PBX3: variants seen among roughly 807,000 people sequenced by gnomAD.
The protein encoded by PBX3 is PBX homeobox 3.
A neutral mutation model predicts 48.5 loss-of-function variants in PBX3; 14 were observed. That is an observed-to-expected ratio of 0.29 (90% CI 0.19 to 0.45). The LOEUF is 0.45. Among genes scored for constraint, PBX3 ranks in the 20% least tolerant of loss-of-function variants. The pLI is 1.00. For synonymous variants in PBX3, 210 were observed against 200.3 expected, an observed-to-expected ratio of 1.05 and a Z score of -0.41; for missense variants, 386 against 546.7, an observed-to-expected ratio of 0.71 and a Z score of 2.93.
rs372227187 is a variant in PBX3 at position 125,950,464 on chromosome 9, G to C, written c.844-10220G>C. ...CCAAAAGTTGGTTTTCAAGTCAGTT[G>C]TTATAAATTTGCAACTTCTTTTTTT... On this transcript the variant is annotated intron_variant, in intron 5 of 8. Transcript: ENST00000373489. Among the ~76,000 whole-genome samples the C allele has an allele frequency of 1.0e-4, 15 of 148,224 alleles. No individual in the cohort carries two copies. In the South Asian group the frequency reaches 3.0e-3, roughly 29 times the overall value.
intron 2 of PBX3, among the ~76,000 whole-genome samples, chr9:125,809,464 C>T (rs1180698157): frequency 6.6e-6 from 1 of 150,932 alleles, no homozygotes; most frequent in Admixed American, 6.6e-5. Flanking sequence ...CCTAAGGCTC[C>T]AGGTATTACC....
At chr9:125,944,255 A>C (rs1338961998) in intron 5 of PBX3, among the ~76,000 whole-genome samples, 1 of 152,188 alleles carries the variant, frequency 6.6e-6, no homozygotes, top group Admixed American at 6.5e-5. Flanking sequence ...TCTGTCAGCT[A>C]TGTGGAGAAC....
chr9:125,948,079 A>C (rs1268621044), intron 5 of PBX3, among the ~76,000 whole-genome samples: 1 of 152,258 alleles, frequency 6.6e-6, no homozygotes, highest in African/African-American at 2.4e-5. Flanking sequence ...AGCTGTTAGA[A>C]TATAGATTTC....
intron 3 of PBX3, among the ~76,000 whole-genome samples, chr9:125,929,289 T>A (rs1323838281): frequency 6.6e-6 from 1 of 152,250 alleles, no homozygotes; most frequent in East Asian, 1.9e-4. Flanking sequence ...ATTTGTTGAT[T>A]AAATGTAAAA....
At chr9:125,829,430 A>G (rs1286119192) in intron 2 of PBX3, among the ~76,000 whole-genome samples, 1 of 152,206 alleles carries the variant, frequency 6.6e-6, no homozygotes, top group Non-Finnish European at 1.5e-5. Context: ...GTTTATAATT[A>G]TATGTATCAT....
intron 2 of PBX3, among the ~76,000 whole-genome samples, chr9:125,755,067 A>G (rs758809987): frequency 2.6e-5 from 4 of 152,086 alleles, no homozygotes; most frequent in Non-Finnish European, 4.4e-5. Flanking sequence ...GTGAGACTCA[A>G]CATGTTATGG....
intron 2 of PBX3, among the ~76,000 whole-genome samples, chr9:125,776,549 T>G (rs1170924276): frequency 6.6e-6 from 1 of 152,208 alleles, no homozygotes; most frequent in Non-Finnish European, 1.5e-5. Flanking sequence ...CTTCTTTTCT[T>G]TTTTTAAATG....
At position 125,960,707 on chromosome 9, in the gene PBX3, A is replaced by G; in HGVS notation, c.867A>G (p.Lys289=). The change falls in exon 6 of 9, where the codon AAA becomes AAG. Residue 289 remains lysine, a synonymous_variant. Coordinates refer to ENST00000373489, the MANE Select transcript of PBX3 (RefSeq NM_006195.6). The part of the protein sequence containing the change: ...VSQVSNWFGN[K]RIRYKKNIGK... ...AGGTATCCAATTGGTTTGGCAACAA[A>G]CGAATCAGGTACAAGAAGAACATTG... The G allele has an allele frequency of 6.2e-7, 1 of 1,614,162 alleles. No individual in the cohort carries two copies. Among genetic ancestry groups the G allele is most frequent in the Non-Finnish European group, 8.5e-7 (1 of 1,180,012 alleles).
intron 2 of PBX3, among the ~76,000 whole-genome samples, chr9:125,884,359 T>G (rs1431655453): frequency 2.0e-5 from 3 of 152,356 alleles, no homozygotes; most frequent in South Asian, 4.1e-4. Context: ...GTATAATTGT[T>G]TTTGGCTTGA....
intron 2 of PBX3, among the ~76,000 whole-genome samples, chr9:125,864,380 A>T (rs1370990570): frequency 6.6e-6 from 1 of 152,020 alleles, no homozygotes; most frequent in Admixed American, 6.5e-5. Context: ...ATGGAAGACA[A>T]TTTTTCCATG....
intron 2 of PBX3, among the ~76,000 whole-genome samples, chr9:125,911,181 C>G (rs1342383248): frequency 6.6e-6 from 1 of 152,126 alleles, no homozygotes; most frequent in Non-Finnish European, 1.5e-5. Flanking sequence ...AATGAGATCT[C>G]ATGACCATGG....
At chr9:125,925,429 G>GT (rs1044798441) in intron 3 of PBX3, among the ~76,000 whole-genome samples, 7 of 151,878 alleles carry the variant, frequency 4.6e-5, no homozygotes, top group African/African-American at 4.8e-5. Flanking sequence ...CTCATTAACA[G>GT]TTTTTTTGTC....
intron 8 of PBX3, among the ~76,000 whole-genome samples, chr9:125,963,725 G>T (rs925383477): frequency 1.3e-5 from 2 of 152,140 alleles, no homozygotes; most frequent in Non-Finnish European, 1.5e-5. Context: ...GTGCTGCGGG[G>T]TGTGGTGGAT....
chr9:125,835,052 G>A (rs111696197), intron 2 of PBX3, among the ~76,000 whole-genome samples: 2,552 of 63,382 alleles, frequency 0.04, 57 homozygotes, highest in Middle Eastern at 0.12. Context: ...AAAAAAAAAA[G>A]GGCAAAAGAT....
chr9:125,758,551 C>A (rs1452205187), intron 2 of PBX3, among the ~76,000 whole-genome samples: 1 of 152,048 alleles, frequency 6.6e-6, no homozygotes, highest in Non-Finnish European at 1.5e-5. Context: ...TAGCTGTCAA[C>A]CATTGTAATG....
At chr9:125,894,862 A>G (rs963978537) in intron 2 of PBX3, among the ~76,000 whole-genome samples, 66 of 152,134 alleles carry the variant, frequency 4.3e-4, no homozygotes, top group African/African-American at 1.6e-3. Flanking sequence ...TTGTTTTACT[A>G]GCTGTGAACA....
intron 2 of PBX3, among the ~76,000 whole-genome samples, chr9:125,849,376 AAAGG>A (rs929204067): frequency 1.3e-5 from 2 of 151,960 alleles, no homozygotes; most frequent in African/African-American, 4.8e-5. Context: ...TAAAAAAAAA[AAAGG>A]AAGGATAATG....
chr9:125,957,415 A>T (rs1248057222), intron 5 of PBX3, among the ~76,000 whole-genome samples: 1 of 152,228 alleles, frequency 6.6e-6, no homozygotes, highest in African/African-American at 2.4e-5. Flanking sequence ...TCTGATGTCA[A>T]GCAAATCCAC....
intron 2 of PBX3, among the ~76,000 whole-genome samples, chr9:125,809,891 A>G (rs1838237179): frequency 6.6e-6 from 1 of 152,224 alleles, no homozygotes; most frequent in Admixed American, 6.5e-5. Context: ...GGGAAAGAAA[A>G]GAAAATTGAA....
Sources: gnomAD v4.1 joint callset for allele counts (sites outside exome capture counted in the v4.1 genomes callset) on GRCh38, gnomAD v4.1.1 for gene constraint, MANE v1.5 for transcripts, NCBI Gene and HGNC (gene_info 2026-07-23, HGNC 2026-07-21) for gene names.